The following ITGA11 variants were observed in gnomAD, a reference collection of about 807,000 sequenced individuals.
ITGA11 encodes integrin alpha-11.
Under a neutral mutation model 141.9 loss-of-function variants are expected in ITGA11, and 97 were observed. The ratio of observed to expected loss-of-function variants is 0.68; its 90% CI spans 0.58 to 0.81. The LOEUF is 0.81. Ranked by LOEUF, ITGA11 falls within the 30% of genes least tolerant of loss-of-function variation. The pLI is 0.00. For missense variants in ITGA11, 1,387 were observed against 1,559.2 expected, an observed-to-expected ratio of 0.89 and a Z score of 1.86; for synonymous variants, 658 against 624.6, an observed-to-expected ratio of 1.05 and a Z score of -0.80.
chr15:68,332,198 A>AG, intron 13 of ITGA11, 136 bp from the exon 14 acceptor site: 1 of 1,260,708 alleles, frequency 7.9e-7, no homozygotes, highest in Non-Finnish European at 1.1e-6. Context: ...ATATGAACCC[A>AG]GCCACAGAGG....
At position 68,357,243 on chromosome 15, in the gene ITGA11, G is replaced by A. The variant is rs1428501398; in HGVS notation, c.657C>T (p.Tyr219=). 1.2e-6 allele frequency: 2 copies of A among 1,613,856 alleles called. No homozygotes were observed. The highest frequency in any genetic ancestry group is 1.7e-6 in the Non-Finnish European group (2 of 1,179,866). Residue 219 remains tyrosine, a synonymous_variant, in exon 7 of 30, where the codon TAC becomes TAT. Transcript: ENST00000315757. ...CTTCCACCACATCTTTTACAGACCT[G>A]TAGTCGTTGAGGTGAAACTCATGCA... is the stretch of plus-strand genomic sequence containing the variant. ...DVVHEFHLND[Y]RSVKDVVEAA...
intron 3 of ITGA11, among the ~76,000 whole-genome samples, chr15:68,367,676 C>T (rs887229109): frequency 2.0e-5 from 3 of 152,146 alleles, no homozygotes; most frequent in Admixed American, 1.3e-4. Flanking sequence ...CCCACCATAT[C>T]CCCAATAAAT....
chr15:68,400,588 T>C (rs1281147570), intron 2 of ITGA11, among the ~76,000 whole-genome samples: 2 of 104,964 alleles, frequency 1.9e-5, no homozygotes, highest in African/African-American at 3.7e-5. Context: ...ATATATATTT[T>C]ATATATTATA....
At chr15:68,374,207 C>G (rs1207898691) in intron 2 of ITGA11, among the ~76,000 whole-genome samples, 1 of 152,204 alleles carries the variant, frequency 6.6e-6, no homozygotes. Context: ...ATCACCAGCA[C>G]CATGTATATT....
chr15:68,307,294 CT>C lies in ITGA11; in HGVS notation c.3381+53del, dbSNP rs1893229894. On this transcript the variant is annotated intron_variant, in intron 28 of 29. Coordinates refer to ENST00000315757, the MANE Select transcript of ITGA11 (RefSeq NM_001004439.2). The surrounding 1 kb of genome is among the most constrained non-coding windows in gnomAD (Gnocchi z 6.1). ...ACTCTATAGAGGAGCACGGCCAACC[CT>C]TTCCCAAGCTGTCCGGCCTAAGCCC... 3 of 1,327,660 alleles carry C rather than the reference CT, an allele frequency of 2.3e-6. No homozygotes were observed. Among genetic ancestry groups the C allele is most frequent in the African/African-American group, 1.5e-5 (1 of 68,408 alleles). The allele number at this position is 1,327,660 out of a possible 1,614,324, so 82.2% of individuals were successfully genotyped here. A position where few individuals can be genotyped will look rare whatever the true frequency, so the allele number is the denominator to read the frequency against.
chr15:68,399,424 A>G (rs1015919753), intron 2 of ITGA11, among the ~76,000 whole-genome samples: 3 of 152,148 alleles, frequency 2.0e-5, no homozygotes, highest in African/African-American at 7.2e-5. Context: ...CTAAAAATAG[A>G]ATTACTATTT....
intron 22 of ITGA11, among the ~76,000 whole-genome samples, chr15:68,314,396 G>C (rs543102985): frequency 6.6e-6 from 1 of 152,084 alleles, no homozygotes; most frequent in Non-Finnish European, 1.5e-5. Flanking sequence ...GACATCTTCC[G>C]GGGGGGTTCT....
chr15:68,317,327 C>T lies in ITGA11; in HGVS notation c.2653G>A (p.Glu885Lys). The T allele has an allele frequency of 6.2e-7, 1 of 1,613,876 alleles. No individual in the cohort carries two copies. The highest frequency in any genetic ancestry group is 8.5e-7 in the Non-Finnish European group (1 of 1,179,798). Reference protein sequence around the residue: ...SDGSIECVNEERRLQKQVCNV... With the variant: ...SDGSIECVNEKRRLQKQVCNV... Reference sequence around the variant, plus strand: ...CAGACTTGCTTCTGGAGCCTCCTCTCCTCGTTCACACACTCAATGCTACCG... The same window carrying T: ...CAGACTTGCTTCTGGAGCCTCCTCTTCTCGTTCACACACTCAATGCTACCG... Residue 885 changes from glutamate (E) to lysine (K), a missense_variant, in exon 21 of 30, where the codon GAG becomes AAG. By Grantham distance (56) the Glu-to-Lys change is moderately conservative (BLOSUM62 1). Coordinates refer to ENST00000315757, the MANE Select transcript of ITGA11 (RefSeq NM_001004439.2).
chr15:68,393,427 A>G (rs11072017), intron 2 of ITGA11, among the ~76,000 whole-genome samples: 126 of 152,310 alleles, frequency 8.3e-4, no homozygotes, highest in African/African-American at 2.9e-3. Context: ...ATTTAGATAC[A>G]TCATAGTCAA....
chr15:68,332,727 T>C (rs1277335238), intron 12 of ITGA11, among the ~76,000 whole-genome samples: 2 of 152,240 alleles, frequency 1.3e-5, no homozygotes, highest in African/African-American at 4.8e-5. Context: ...CTCTTCTTTC[T>C]TTCTGTTAAT....
chr15:68,408,407 G>A (rs1004125605), intron 1 of ITGA11, among the ~76,000 whole-genome samples: 2 of 152,028 alleles, frequency 1.3e-5, no homozygotes, highest in Admixed American at 6.6e-5. Context: ...CCTGTCTCCC[G>A]CATCAGGACG....
At chr15:68,318,549 G>T (rs1158911476) in intron 20 of ITGA11, among the ~76,000 whole-genome samples, 1 of 152,172 alleles carries the variant, frequency 6.6e-6, no homozygotes, top group Non-Finnish European at 1.5e-5. Flanking sequence ...CCCAGGCCTG[G>T]GCCTGACAGA....
Position 68,325,314 on chromosome 15 carries a change from G to T in ITGA11, c.2212-73C>A. On this transcript the variant is annotated intron_variant, in intron 17 of 29. Coordinates refer to ENST00000315757, the MANE Select transcript of ITGA11 (RefSeq NM_001004439.2). The surrounding 1 kb of genome is among the most constrained non-coding windows in gnomAD (Gnocchi z 5.5). The stretch of plus-strand genomic sequence containing the variant: ...TTTATGAGCCAGGACCGTGGATGCT[G>T]AGATAGAACTTCCACCTTCCTTAGA... The T allele has an allele frequency of 9.8e-7, 1 of 1,021,266 alleles. No homozygotes were observed. The allele number at this position is 1,021,266 out of a possible 1,614,324, so 63.3% of individuals were successfully genotyped here.
intron 9 of ITGA11, among the ~76,000 whole-genome samples, chr15:68,349,385 C>A (rs780422371): frequency 6.6e-6 from 1 of 152,174 alleles, no homozygotes; most frequent in Non-Finnish European, 1.5e-5. Flanking sequence ...TGCAGATTTG[C>A]GTAAGAAATC....
At position 68,361,593 on chromosome 15, in the gene ITGA11, G is replaced by T; in HGVS notation, c.469C>A (p.Gln157Lys). ...RFSKTVAPAL[Q>K]RCQTYMDIVI... ...TTGCAGATTTGAAGCCACTTACTTT[G>T]GAGAGCTGGGGCCACGGTCTTGGAG... The change falls in exon 5 of 30, where the codon CAA (glutamine) becomes AAA (lysine). Residue 157 changes from glutamine (Q) to lysine (K), a missense_variant. Physicochemically the swap from Gln to Lys is moderately conservative, Grantham distance 53. Coordinates refer to ENST00000315757, the MANE Select transcript of ITGA11 (RefSeq NM_001004439.2). 2 of 1,598,174 alleles carry T rather than the reference G, an allele frequency of 1.3e-6. No individual in the cohort carries two copies. Among genetic ancestry groups the T allele is most frequent in the Non-Finnish European group, 1.7e-6 (2 of 1,171,418 alleles).
Position 68,320,359 on chromosome 15 carries a change from C to T in ITGA11, c.2442G>A (p.Ala814=), listed in dbSNP as rs371120626. Residue 814 remains alanine, a synonymous_variant, in exon 20 of 30, where the codon GCG becomes GCA. Coordinates refer to ENST00000315757, the MANE Select transcript of ITGA11 (RefSeq NM_001004439.2). ...ACAGCGTGTATGCGGAGCAGTCCTG[C>T]GCAGGCTTCCTCAGCACCCTCTGGC... is the stretch of plus-strand genomic sequence containing the variant. The part of the protein sequence containing the change: ...EYCQRVLRKP[A]QDCSAYTLSF... 232 of 1,605,878 alleles carry T rather than the reference C, an allele frequency of 1.4e-4. No individual in the cohort carries two copies. Among genetic ancestry groups the T allele is most frequent in the Non-Finnish European group, 1.8e-4 (215 of 1,176,270 alleles).
chr15:68,423,185 T>C (rs1480805686), intron 1 of ITGA11, among the ~76,000 whole-genome samples: 8 of 152,178 alleles, frequency 5.3e-5, no homozygotes, highest in African/African-American at 1.9e-4. Context: ...TAATTACAGA[T>C]ATGGTCCCTG....
At chr15:68,375,607 C>A (rs1346270992) in intron 2 of ITGA11, among the ~76,000 whole-genome samples, 1 of 152,206 alleles carries the variant, frequency 6.6e-6, no homozygotes, top group Non-Finnish European at 1.5e-5. Context: ...TTGTGGTTCA[C>A]CTTGGCTCAC....
intron 2 of ITGA11, among the ~76,000 whole-genome samples, chr15:68,387,601 C>A (rs75208889): frequency 0.025 from 3,743 of 152,234 alleles, 135 homozygotes; most frequent in African/African-American, 0.082. Flanking sequence ...GACAGTAAAG[C>A]CTTGCAGAGA....
Sources: gnomAD v4.1 joint callset for allele counts (sites outside exome capture counted in the v4.1 genomes callset) on GRCh38, gnomAD v4.1.1 for gene constraint, Gnocchi (gnomAD v3.1) non-coding constraint, MANE v1.5 for transcripts, NCBI Gene and HGNC (gene_info 2026-07-23, HGNC 2026-07-21) for gene names.